FOXP1: variants seen among roughly 807,000 people sequenced by gnomAD.
FOXP1 encodes forkhead box P1, also known as forkhead box protein P1.
Under a neutral mutation model 98.2 loss-of-function variants are expected in FOXP1, and 15 were observed. The observed-to-expected ratio is 0.15, with a 90% CI of 0.10 to 0.24. The LOEUF is 0.24. Among genes scored for constraint, FOXP1 ranks in the 10% least tolerant of loss-of-function variants. The pLI is 1.00. For synonymous variants in FOXP1, 371 were observed against 314.5 expected (o/e 1.18, Z -1.90); for missense variants, 633 against 848.5 (o/e 0.75, Z 3.15).
chr3:71,112,516 A>C lies in FOXP1; in HGVS notation c.282+20T>G, dbSNP rs1480427688. Reference sequence around the variant, plus strand: ...TCCCAAAGGGTATAATGTCAATTTAAAAAGAAAAAGAATTGTTACCTGAAG... The same window carrying C: ...TCCCAAAGGGTATAATGTCAATTTACAAAGAAAAAGAATTGTTACCTGAAG... On this transcript the variant is annotated intron_variant, in intron 7 of 20. Transcript: ENST00000649528. 1 of 1,581,504 alleles carries C rather than the reference A, an allele frequency of 6.3e-7. No individual in the cohort carries two copies. Among genetic ancestry groups the C allele is most frequent in the Non-Finnish European group, 8.7e-7 (1 of 1,150,416 alleles).
intron 3 of FOXP1, among the ~76,000 whole-genome samples, chr3:71,454,315 G>A (rs769714323): frequency 2.0e-5 from 3 of 152,086 alleles, no homozygotes; most frequent in Non-Finnish European, 4.4e-5. Flanking sequence ...CCACATACAC[G>A]AGGCACATCA....
chr3:71,237,948 T>C (rs1279232298), intron 5 of FOXP1, among the ~76,000 whole-genome samples: 1 of 152,216 alleles, frequency 6.6e-6, no homozygotes, highest in Non-Finnish European at 1.5e-5. Flanking sequence ...GGTGGCTCCC[T>C]GCCAGGAATT....
intron 11 of FOXP1, among the ~76,000 whole-genome samples, chr3:71,032,230 G>A (rs997038205): frequency 4.6e-5 from 7 of 152,236 alleles, no homozygotes; most frequent in Admixed American, 6.5e-5. Flanking sequence ...ACATGTGCCC[G>A]GGGGGATTGT....
At chr3:70,975,715 A>G (rs1408508508) in intron 17 of FOXP1, among the ~76,000 whole-genome samples, 1 of 152,232 alleles carries the variant, frequency 6.6e-6, no homozygotes, top group Non-Finnish European at 1.5e-5. Flanking sequence ...GATTACAAGA[A>G]TTCCAGGTAG....
intron 5 of FOXP1, among the ~76,000 whole-genome samples, chr3:71,290,785 T>C (rs965267668): frequency 6.6e-6 from 1 of 152,162 alleles, no homozygotes; most frequent in African/African-American, 2.4e-5. Flanking sequence ...TCAAAGGAAA[T>C]GCTCACAGGA....
intron 3 of FOXP1, among the ~76,000 whole-genome samples, chr3:71,400,940 C>T (rs540878722): frequency 3.7e-4 from 57 of 152,244 alleles, no homozygotes; most frequent in African/African-American, 1.4e-3. Context: ...GGGAAGTCTA[C>T]GTCTCATAAA....
chr3:71,099,339 C>T (rs533453117), intron 7 of FOXP1, among the ~76,000 whole-genome samples: 2 of 152,030 alleles, frequency 1.3e-5, no homozygotes, highest in Non-Finnish European at 2.9e-5. Context: ...GGTGAAACCT[C>T]GTCCCTACTA....
intron 7 of FOXP1, among the ~76,000 whole-genome samples, chr3:71,100,953 G>A (rs2056903851): frequency 6.6e-6 from 1 of 152,180 alleles, no homozygotes; most frequent in Admixed American, 6.6e-5. Flanking sequence ...TTCGAGGAGA[G>A]GATAGGAGGT....
At chr3:71,386,389 A>G (rs1371676426) in intron 3 of FOXP1, among the ~76,000 whole-genome samples, 1 of 152,204 alleles carries the variant, frequency 6.6e-6, no homozygotes, top group Non-Finnish European at 1.5e-5. Context: ...TTGCGTGCCC[A>G]GGGTAAGATC....
intron 4 of FOXP1, among the ~76,000 whole-genome samples, chr3:71,338,711 C>T (rs1241565603): frequency 6.6e-6 from 1 of 152,116 alleles, no homozygotes; most frequent in Non-Finnish European, 1.5e-5. Context: ...AGACACTATG[C>T]CTGGCCAATA....
At chr3:71,427,965 G>T (rs533658653) in intron 3 of FOXP1, among the ~76,000 whole-genome samples, 1 of 152,286 alleles carries the variant, frequency 6.6e-6, no homozygotes, top group South Asian at 2.1e-4. Flanking sequence ...CCAAGAAAAA[G>T]ATCAGCTCAA....
At chr3:71,328,018 GTT>G (rs552128468) in intron 4 of FOXP1, among the ~76,000 whole-genome samples, 30 of 152,250 alleles carry the variant, frequency 2.0e-4, no homozygotes, top group Admixed American at 4.6e-4. Flanking sequence ...ACACCAGAAA[GTT>G]TATTCATCAG....
At chr3:71,158,111 G>GGGAGGGAGGGAGGGAA (rs2060926497) in intron 6 of FOXP1, among the ~76,000 whole-genome samples, 3 of 57,910 alleles carry the variant, frequency 5.2e-5, no homozygotes, top group Non-Finnish European at 1.0e-4. Flanking sequence ...AAGGAAGGGA[G>GGGAGGGAGGGAGGGAA]GGAGGGAGGG....
At chr3:71,325,438 G>C (rs563064842) in intron 4 of FOXP1, among the ~76,000 whole-genome samples, 72 of 152,114 alleles carry the variant, frequency 4.7e-4, no homozygotes, top group Non-Finnish European at 9.6e-4. Context: ...GAGATTGCCA[G>C]CTTGTCTCAT....
In FOXP1 at chr3:71,159,005, C is replaced by T. The variant is rs963850850; in HGVS notation, c.180+39197G>A. 2.7e-5 allele frequency among the ~76,000 whole-genome samples: 4 copies of T among 149,614 alleles called. No individual in the cohort carries two copies. The Admixed American group carries it at 2.7e-4, about 10-fold the overall frequency. ...CCTTTGGTCCCAAATACTCTGGAGGCTGAGGTAGGAGAATCCCTGGAGCCC... is the reference window on the plus strand; with the variant it reads ...CCTTTGGTCCCAAATACTCTGGAGGTTGAGGTAGGAGAATCCCTGGAGCCC... On this transcript the variant is annotated intron_variant, in intron 6 of 20. Coordinates refer to ENST00000649528, the MANE Select transcript of FOXP1 (RefSeq NM_001349338.3).
chr3:71,576,334 A>T (rs577917235), intron 2 of FOXP1, among the ~76,000 whole-genome samples: 270 of 147,252 alleles, frequency 1.8e-3, no homozygotes, highest in African/African-American at 4.9e-3. Context: ...ATTCCTTTTT[A>T]AAAAAAAAAC....
At chr3:71,466,892 T>A (rs2088811777) in intron 3 of FOXP1, among the ~76,000 whole-genome samples, 1 of 152,236 alleles carries the variant, frequency 6.6e-6, no homozygotes, top group African/African-American at 2.4e-5. Context: ...GTTTCTCAAG[T>A]GATACTTATC....
chr3:70,962,333 T>C (rs539056025), intron 20 of FOXP1, among the ~76,000 whole-genome samples: 30 of 152,230 alleles, frequency 2.0e-4, no homozygotes, highest in Non-Finnish European at 3.8e-4. Flanking sequence ...TCTATTTCTG[T>C]TGATTTACCT....
At chr3:71,566,025 A>G (rs1308897754) in intron 2 of FOXP1, among the ~76,000 whole-genome samples, 1 of 152,182 alleles carries the variant, frequency 6.6e-6, no homozygotes, top group African/African-American at 2.4e-5. Context: ...GAAACAACCA[A>G]TTCTCCACTC....
Sources: gnomAD v4.1 joint callset for allele counts (sites outside exome capture counted in the v4.1 genomes callset) on GRCh38, gnomAD v4.1.1 for gene constraint, MANE v1.5 for transcripts, NCBI Gene and HGNC (gene_info 2026-07-23, HGNC 2026-07-21) for gene names.